The following DIP2A variants were observed in gnomAD, a reference collection of about 807,000 sequenced individuals.
DIP2A encodes disco-interacting protein 2 homolog A.
In DIP2A, 85 loss-of-function variants were observed where a neutral mutation model predicts 177.4. That is an observed-to-expected ratio of 0.48 (90% CI 0.40 to 0.57). The LOEUF (loss-of-function observed/expected upper bound fraction) is 0.57, where lower values mean the gene tolerates loss of function less well. Among genes scored for constraint, DIP2A ranks in the 20% least tolerant of loss-of-function variants. The pLI is 0.00. For missense variants in DIP2A, 1,791 were observed against 2,100.2 expected, an observed-to-expected ratio of 0.85 and a Z score of 2.88; for synonymous variants, 886 against 881.8, an observed-to-expected ratio of 1.00 and a Z score of -0.08.
rs1027828497 is a variant in DIP2A, at chr21:46,549,128, G to T, written c.2523-643G>T. Among the ~76,000 whole-genome samples the T allele has an allele frequency of 6.0e-5, 9 of 150,670 alleles. No individual in the cohort carries two copies. The South Asian group carries it at 8.3e-4, about 14-fold the overall frequency. On this transcript the variant is annotated intron_variant, in intron 21 of 37. Coordinates refer to ENST00000417564, the MANE Select transcript of DIP2A (RefSeq NM_015151.4). ...CTAGGTGAGGTCTGTTGTGTAAATT[G>T]TGTGTGTGTGTGTGTACACACACAC...
chr21:46,490,798 T>C (rs2056970166), intron 3 of DIP2A, 79 bp downstream of exon 3: 2 of 1,448,670 alleles, frequency 1.4e-6, no homozygotes, highest in African/African-American at 1.4e-5. Context: ...CTTCCAGTTA[T>C]TTTTCCTTTG....
chr21:46,513,553 CTT>C (rs902157213), intron 8 of DIP2A, among the ~76,000 whole-genome samples: 15 of 152,080 alleles, frequency 9.9e-5, no homozygotes, highest in Non-Finnish European at 1.6e-4. Context: ...CTTCTTGGCT[CTT>C]TGTATTTCCA....
intron 5 of DIP2A, among the ~76,000 whole-genome samples, chr21:46,502,437 ATTTTTT>A (rs36011338): frequency 1.8e-3 from 80 of 44,868 alleles, no homozygotes; most frequent in Non-Finnish European, 2.7e-3. Context: ...GCTAGTGTTG[ATTTTTT>A]TTTTTTTTTT....
the DIP2A span, among the ~76,000 whole-genome samples, chr21:46,578,040 G>T: frequency 1.3e-5 from 2 of 152,166 alleles, no homozygotes; most frequent in Non-Finnish European, 2.9e-5. Flanking sequence ...GAGGCTGGGC[G>T]TGGTGGCTCA....
chr21:46,474,265 G>C lies in DIP2A; in HGVS notation c.92-10492G>C, dbSNP rs116901114. On this transcript the variant is annotated intron_variant, in intron 1 of 37. Coordinates refer to ENST00000417564, the MANE Select transcript of DIP2A (RefSeq NM_015151.4). ...TGTGAGGCTGCTCTAGGAGATCTGA[G>C]TGGTGGGACCCAGAGTGCATTTGGA... Among the ~76,000 whole-genome samples, 411 of 152,362 alleles carry C rather than the reference G, an allele frequency of 2.7e-3. 1 individual carries two copies. Among genetic ancestry groups the C allele is most frequent in the Non-Finnish European group, 4.5e-3 (307 of 68,044 alleles).
chr21:46,473,891 A>T (rs1568919358), intron 1 of DIP2A, among the ~76,000 whole-genome samples: 2 of 152,178 alleles, frequency 1.3e-5, no homozygotes, highest in South Asian at 4.1e-4. Context: ...CCACCTTTTT[A>T]AAAAATGTAT....
Position 46,563,429 on chromosome 21 carries a change from C to T in DIP2A, c.4090-429C>T, listed in dbSNP as rs2060732923. Reference sequence around the variant, plus strand: ...ACAGAGCCAGTGCTCAGTGGTTGGACTGACTCGGAGTCACGGGCAGGAAGA... The same window carrying T: ...ACAGAGCCAGTGCTCAGTGGTTGGATTGACTCGGAGTCACGGGCAGGAAGA... On this transcript the variant is annotated intron_variant, in intron 34 of 37. Transcript: ENST00000417564. The surrounding 1 kb of genome is among the most constrained non-coding windows in gnomAD (Gnocchi z 4.3). Among the ~76,000 whole-genome samples the T allele has an allele frequency of 6.6e-6, 1 of 152,198 alleles. No homozygotes were observed. The highest frequency in any genetic ancestry group is 1.5e-5 in the Non-Finnish European group (1 of 68,040).
At chr21:46,476,106 C>T (rs1469100630) in intron 1 of DIP2A, among the ~76,000 whole-genome samples, 1 of 150,768 alleles carries the variant, frequency 6.6e-6, no homozygotes, top group Non-Finnish European at 1.5e-5. Flanking sequence ...ATTAGCCAGG[C>T]ATGGTGGTGG....
chr21:46,476,828 G>T (rs1205888635), intron 1 of DIP2A, among the ~76,000 whole-genome samples: 1 of 151,810 alleles, frequency 6.6e-6, no homozygotes, highest in Non-Finnish European at 1.5e-5. Context: ...GTTAATTTCT[G>T]TATTTTTTAT....
chr21:46,573,121 G>A, downstream of DIP2A, among the ~76,000 whole-genome samples: 1 of 149,734 alleles, frequency 6.7e-6, no homozygotes, highest in East Asian at 1.9e-4. Context: ...AGTGAGAAAG[G>A]GATTTAAATG....
In DIP2A at chr21:46,464,844, T is replaced by TTTTTTTTTTCC. The variant is rs58546395; in HGVS notation, c.91+5622_91+5623insTTTTTTTTTCC. ...TTTTTTTTTTTTTTTTTTTTTTTTT[T>TTTTTTTTTTCC]CAAGAAAACACACAACAAATGTCAG... On this transcript the variant is annotated intron_variant, in intron 1 of 37. Coordinates refer to ENST00000417564, the MANE Select transcript of DIP2A (RefSeq NM_015151.4). Among the ~76,000 whole-genome samples the TTTTTTTTTTCC allele has an allele frequency of 4.0e-3, 446 of 111,150 alleles. 45 individuals are homozygous for TTTTTTTTTTCC. The highest frequency in any genetic ancestry group is 0.017 in the African/African-American group (401 of 23,922). The allele number at this position is 111,150 out of a possible 152,430, so 72.9% of individuals were successfully genotyped here.
At chr21:46,469,915 GC>G (rs2055198523) in intron 1 of DIP2A, among the ~76,000 whole-genome samples, 1 of 152,138 alleles carries the variant, frequency 6.6e-6, no homozygotes. Flanking sequence ...CAGGTCAGGG[GC>G]CAGGATACCT....
the DIP2A span, among the ~76,000 whole-genome samples, chr21:46,575,513 G>A: frequency 6.6e-6 from 1 of 152,054 alleles, no homozygotes; most frequent in Non-Finnish European, 1.5e-5. Context: ...TATGTAGAAA[G>A]GCCTAAAGAT....
chr21:46,567,008 G>A (rs2060857067), intron 37 of DIP2A, among the ~76,000 whole-genome samples: 1 of 152,242 alleles, frequency 6.6e-6, no homozygotes, highest in Admixed American at 6.5e-5. Context: ...TAAGCTAAGA[G>A]ATTGTCCCCA....
chr21:46,529,742 A>G (rs2059277564), intron 9 of DIP2A, among the ~76,000 whole-genome samples: 1 of 152,028 alleles, frequency 6.6e-6, no homozygotes, highest in Non-Finnish European at 1.5e-5. Flanking sequence ...TTGACTTCAT[A>G]TATGTTGATA....
At chr21:46,505,142 T>G (rs1462078079) in intron 6 of DIP2A, among the ~76,000 whole-genome samples, 1 of 152,196 alleles carries the variant, frequency 6.6e-6, no homozygotes, top group African/African-American at 2.4e-5. Context: ...TGTCAGATTT[T>G]GTTGAGGGCT....
In DIP2A at chr21:46,549,903, G is replaced by A. The variant is rs773800197; in HGVS notation, c.2637+18G>A. Reference sequence around the variant, plus strand: ...TGCTGCAGGTGGGCGCCCCGGCACGGCCTATGGTTCGGTGAATCTCCCAAG... The same window carrying A: ...TGCTGCAGGTGGGCGCCCCGGCACGACCTATGGTTCGGTGAATCTCCCAAG... On this transcript the variant is annotated intron_variant, in intron 22 of 37. Coordinates refer to ENST00000417564, the MANE Select transcript of DIP2A (RefSeq NM_015151.4). 9.0e-5 allele frequency: 145 copies of A among 1,608,114 alleles called. 1 individual carries two copies. Among genetic ancestry groups the A allele is most frequent in the Middle Eastern group, 1.6e-4 (1 of 6,084 alleles).
chr21:46,567,233 T>C, intron 37 of DIP2A, 137 bp from the exon 38 acceptor site: 1 of 1,296,894 alleles, frequency 7.7e-7, no homozygotes, highest in Non-Finnish European at 1.1e-6. Flanking sequence ...GCCTGATCTT[T>C]AGATTGTAAA....
intron 1 of DIP2A, among the ~76,000 whole-genome samples, chr21:46,463,719 T>TGTGTGTGTGTGTGTGTGTGTGTG (rs35675489): frequency 1.6e-5 from 2 of 122,400 alleles, no homozygotes; most frequent in Non-Finnish European, 3.3e-5. Context: ...TGTGTGTGTG[T>TGTGTGTGTGTGTGTGTGTGTGTG]ATATTTTGAG....
Sources: gnomAD v4.1 joint callset for allele counts (sites outside exome capture counted in the v4.1 genomes callset) on GRCh38, gnomAD v4.1.1 for gene constraint, Gnocchi (gnomAD v3.1) non-coding constraint, MANE v1.5 for transcripts, NCBI Gene and HGNC (gene_info 2026-07-23, HGNC 2026-07-21) for gene names.